Variants in PXDN observed in about 807,000 individuals in gnomAD.
PXDN encodes the protein peroxidasin homolog.
PXDN carries 77 observed loss-of-function variants against 140.3 expected under a neutral mutation model. The observed-to-expected ratio is 0.55, with a 90% CI of 0.46 to 0.66. The LOEUF (loss-of-function observed/expected upper bound fraction) is 0.66, where lower values mean the gene tolerates loss of function less well. PXDN is among the 30% of genes least tolerant of loss of function. The pLI, the probability that PXDN is intolerant of heterozygous loss-of-function variation, is 0.00. For synonymous variants in PXDN, 911 were observed against 857.4 expected, an observed-to-expected ratio of 1.06 and a Z score of -1.09; for missense variants, 1,838 against 2,039.5, an observed-to-expected ratio of 0.90 and a Z score of 1.90.
intron 7 of PXDN, 118 bp from the exon 8 acceptor site, chr2:1,677,162 T>C (rs1683737900): frequency 4.4e-6 from 4 of 910,048 alleles, no homozygotes; most frequent in Non-Finnish European, 6.6e-6. Flanking sequence ...AAAGGTGTAA[T>C]TCAGCCACAA....
upstream of PXDN, chr2:1,744,538 T>A (rs1441193370): frequency 1.7e-6 from 2 of 1,163,066 alleles, no homozygotes; most frequent in Non-Finnish European, 2.2e-6. Context: ...GCGGCCCACG[T>A]CCCAGCTGTG....
chr2:1,648,643 G>C lies in PXDN; in HGVS notation c.3137C>G (p.Thr1046Arg). The change falls in exon 17 of 23, where the codon ACG (threonine) becomes AGG (arginine). Residue 1046 changes from threonine to arginine, a missense_variant. By Grantham distance (71) the Thr-to-Arg change is moderately conservative (BLOSUM62 -1). Transcript: ENST00000252804. The surrounding 1 kb of genome is among the most constrained non-coding windows in gnomAD (Gnocchi z 8.9). The stretch of plus-strand genomic sequence containing the variant: ...GTCGTAGCCGTGGTACTCTCCCAGC[G>C]TCCTCATGCCCACCTCCCCCAGGAT... ...PKILGEVGMRTLGEYHGYDPG... is the reference protein window; with the variant it reads ...PKILGEVGMRRLGEYHGYDPG... 1 of 1,610,840 alleles carries C rather than the reference G, an allele frequency of 6.2e-7. No individual in the cohort carries two copies. Among genetic ancestry groups the C allele is most frequent in the Non-Finnish European group, 8.5e-7 (1 of 1,178,884 alleles).
chr2:1,652,949 TG>T, intron 16 of PXDN: 1 of 159,830 alleles, frequency 6.3e-6, no homozygotes, highest in Non-Finnish European at 1.4e-5. Flanking sequence ...TGTGTGTGTG[TG>T]TGTGTGTGTG....
chr2:1,712,655 G>A lies in PXDN; in HGVS notation c.201-19521C>T, dbSNP rs965480042. ...CATGGCGGCCTTGTGGTGGAAAAGC[G>A]GCCAGCAGCAGAACTAAAATGAAAA... is the stretch of plus-strand genomic sequence containing the variant. On this transcript the variant is annotated intron_variant, in intron 1 of 22. Transcript: ENST00000252804. Among the ~76,000 whole-genome samples, 13 of 152,238 alleles carry A rather than the reference G, an allele frequency of 8.5e-5. No homozygotes were observed. The East Asian group carries it at 1.7e-3, about 20-fold the overall frequency.
intron 12 of PXDN, among the ~76,000 whole-genome samples, chr2:1,662,581 C>T (rs1572138205): frequency 6.6e-6 from 1 of 152,156 alleles, no homozygotes; most frequent in Admixed American, 6.5e-5. Context: ...GGGGAGAGCC[C>T]GACTCTCGGA....
rs530518946 is a variant in PXDN at position 1,680,054 on chromosome 2, G to A, written c.730+139C>T. 4.2e-4 allele frequency: 459 copies of A among 1,096,772 alleles called. 1 individual carries two copies. The highest frequency in any genetic ancestry group is 1.0e-3 in the Admixed American group (41 of 39,906). 67.9% of individuals were successfully genotyped at this position (1,096,772 alleles called of 1,614,324 possible). On this transcript the variant is annotated intron_variant, in intron 7 of 22. Coordinates refer to ENST00000252804, the MANE Select transcript of PXDN (RefSeq NM_012293.3). ...GTGCGTGTGTGTGGTTTGTGTCTGC[G>A]CGTGTGTCTATAAATGGTGTGTGTG...
At chr2:1,688,541 C>T (rs1319308546) in intron 3 of PXDN, among the ~76,000 whole-genome samples, 4 of 152,190 alleles carry the variant, frequency 2.6e-5, no homozygotes, top group Non-Finnish European at 4.4e-5. Context: ...CCACCCATCT[C>T]GGACATGACT....
At chr2:1,709,466 G>A (rs1684702257) in intron 1 of PXDN, among the ~76,000 whole-genome samples, 1 of 152,190 alleles carries the variant, frequency 6.6e-6, no homozygotes, top group African/African-American at 2.4e-5. Flanking sequence ...CTGGGGTGCA[G>A]CGGGGCTGGG....
chr2:1,705,117 GAGCAGAGGGC>G (rs112559625), intron 1 of PXDN, among the ~76,000 whole-genome samples: 82,122 of 151,618 alleles, frequency 0.54, 22,969 homozygotes, highest in African/African-American at 0.69. Context: ...AGAGCCGTGA[GAGCAGAGGGC>G]ACGTCTGCAC....
chr2:1,693,038 T>C, intron 2 of PXDN, 25 bp downstream of exon 2: 1 of 1,500,536 alleles, frequency 6.7e-7, no homozygotes, highest in Non-Finnish European at 9.1e-7. Context: ...TTTCTATTAG[T>C]TTCCAATAGA....
In PXDN at chr2:1,725,018, T is replaced by G. The variant is rs139921769; in HGVS notation, c.200+19238A>C. 3.9e-4 allele frequency among the ~76,000 whole-genome samples: 60 copies of G among 152,324 alleles called. 1 individual carries two copies. The East Asian group carries it at 0.011, about 28-fold the overall frequency. ...GAGCACAAGATAATGCTCCATCCATTTGTTTCTTCAGTCTTTTCCCATCAA... is the reference window on the plus strand; with the variant it reads ...GAGCACAAGATAATGCTCCATCCATGTGTTTCTTCAGTCTTTTCCCATCAA... On this transcript the variant is annotated intron_variant, in intron 1 of 22. Coordinates refer to ENST00000252804, the MANE Select transcript of PXDN (RefSeq NM_012293.3).
At chr2:1,734,622 AC>A (rs1360728643) in intron 1 of PXDN, among the ~76,000 whole-genome samples, 2 of 152,196 alleles carry the variant, frequency 1.3e-5, no homozygotes, top group African/African-American at 2.4e-5. Context: ...TAATCCCAGC[AC>A]TTTGGGAGGC....
Position 1,649,413 on chromosome 2 carries a change from C to T in PXDN, c.2367G>A (p.Gly789=). 4.3e-6 allele frequency: 7 copies of T among 1,613,954 alleles called. No homozygotes were observed. The highest frequency in any genetic ancestry group is 5.9e-6 in the Non-Finnish European group (7 of 1,179,888). The change falls in exon 17 of 23, where the codon GGG becomes GGA. Residue 789 remains glycine, a synonymous_variant. Coordinates refer to ENST00000252804, the MANE Select transcript of PXDN (RefSeq NM_012293.3). This position sits in a 1 kb window ranked among gnomAD's most constrained non-coding sequence, Gnocchi z 7.1. The stretch of plus-strand genomic sequence containing the variant: ...CCAGGCGCGGCATGGGAAGGGCGTG[C>T]CCGTTGTACAGTCGGTGGGGGTTGA... ...RGINPHRLYN[G]HALPMPRLVS...
chr2:1,668,498 C>G (rs1470711739), intron 9 of PXDN, among the ~76,000 whole-genome samples: 1 of 151,952 alleles, frequency 6.6e-6, no homozygotes, highest in South Asian at 2.1e-4. Context: ...AAGAAACTAT[C>G]GTCAGAGTGA....
At chr2:1,644,415 T>G (rs1437914049) in intron 18 of PXDN, among the ~76,000 whole-genome samples, 2 of 152,194 alleles carry the variant, frequency 1.3e-5, no homozygotes, top group Non-Finnish European at 2.9e-5. Flanking sequence ...TGGTTGAGTT[T>G]TGAGGCTGCA....
chr2:1,697,691 T>TCC (rs1474877512), intron 1 of PXDN, among the ~76,000 whole-genome samples: 1 of 152,184 alleles, frequency 6.6e-6, no homozygotes, highest in African/African-American at 2.4e-5. Context: ...TCCCTGGGGC[T>TCC]CCGTGCTCCC....
chr2:1,719,816 T>G (rs1464191114), intron 1 of PXDN, among the ~76,000 whole-genome samples: 1 of 149,446 alleles, frequency 6.7e-6, no homozygotes, highest in Non-Finnish European at 1.5e-5. Flanking sequence ...GACCACAGGA[T>G]GTGTGTACAT....
In PXDN at chr2:1,665,235, G is replaced by A. The variant is rs370284031; in HGVS notation, c.1292-161C>T. Among the ~76,000 whole-genome samples, 53 of 152,308 alleles carry A rather than the reference G, an allele frequency of 3.5e-4. No individual in the cohort carries two copies. The South Asian group carries it at 9.8e-3, about 28-fold the overall frequency. ...GCAGAGGGCACAGGAGAAGATGGGA[G>A]CAGAACGGAAAGAAGATGAAGGATG... On this transcript the variant is annotated intron_variant, in intron 10 of 22. Coordinates refer to ENST00000252804, the MANE Select transcript of PXDN (RefSeq NM_012293.3).
At position 1,691,968 on chromosome 2, in the gene PXDN, G is replaced by C. The variant is rs1214815972; in HGVS notation, c.304C>G (p.Pro102Ala). The C allele has an allele frequency of 2.0e-6, 3 of 1,528,676 alleles. No individual in the cohort carries two copies. Among genetic ancestry groups the C allele is most frequent in the Non-Finnish European group, 2.6e-6 (3 of 1,132,456 alleles). The allele number at this position is 1,528,676 out of a possible 1,614,324, so 94.7% of individuals were successfully genotyped here. A position where few individuals can be genotyped will look rare whatever the true frequency, so the allele number is the denominator to read the frequency against. ...TCCAAGTCTTCAAATGCTCCACTAG[G>C]TATCCTCTTGATCTGATTATTATTG... ...LLNNNQIKRIPSGAFEDLENL... is the reference protein window; with the variant it reads ...LLNNNQIKRIASGAFEDLENL... Residue 102 changes from proline to alanine, a missense_variant, in exon 3 of 23, where the codon CCT becomes GCT. Pro to Ala is a conservative substitution (Grantham distance 27, BLOSUM62 -1). This residue lies in a region of PXDN where 231 missense variants were observed against 201.5 expected (regional missense o/e 1.15). Transcript: ENST00000252804.
Sources: gnomAD v4.1 joint callset for allele counts (sites outside exome capture counted in the v4.1 genomes callset) on GRCh38, gnomAD v4.1.1 for gene constraint, gnomAD v4.1.1 regional missense constraint, Gnocchi (gnomAD v3.1) non-coding constraint, MANE v1.5 for transcripts, NCBI Gene and HGNC (gene_info 2026-07-23, HGNC 2026-07-21) for gene names.